TMEM54: variants seen among roughly 807,000 people sequenced by gnomAD.
The protein encoded by TMEM54 is transmembrane protein 54, also known as beta-casein-like protein.
A neutral mutation model predicts 21.3 loss-of-function variants in TMEM54; 21 were observed. That is an observed-to-expected ratio of 0.99 (90% CI 0.70 to 1.42). The LOEUF (loss-of-function observed/expected upper bound fraction) is 1.42. TMEM54 is among the 40% of genes most tolerant of loss of function. TMEM54 has a pLI of 0.00. For missense variants in TMEM54, 246 were observed against 294.0 expected, an observed-to-expected ratio of 0.84 and a Z score of 1.19; for synonymous variants, 109 against 125.0, an observed-to-expected ratio of 0.87 and a Z score of 0.86.
chr1:32,898,128 C>T lies in TMEM54; in HGVS notation c.208G>A (p.Val70Met), dbSNP rs751814809. The T allele has an allele frequency of 1.1e-5, 18 of 1,591,254 alleles. No homozygotes were observed. The Admixed American group carries it at 1.7e-4, about 15-fold the overall frequency. The change falls in exon 2 of 6, where the codon GTG becomes ATG. Residue 70 changes from valine (V) to methionine (M), a missense_variant and splice_region_variant. Transcript: ENST00000373463. ...CCACCCTCCCAGCCTGGCCATACCACGATGGCGGAAGTGACAGAGAGGATG... is the reference window on the plus strand; with the variant it reads ...CCACCCTCCCAGCCTGGCCATACCATGATGGCGGAAGTGACAGAGAGGATG... ...VNILSVTSAIVVITSGIAAIV... is the reference protein window; with the variant it reads ...VNILSVTSAIMVITSGIAAIV...
At chr1:32,898,347 T>C in intron 1 of TMEM54, 28 bp from the exon 2 acceptor site, 5 of 1,575,874 alleles carry the variant, frequency 3.2e-6, no homozygotes, top group Non-Finnish European at 4.3e-6. Flanking sequence ...GTCAGGGCTG[T>C]GCGTGGGGCT....
chr1:32,899,328 C>T (rs1380269395), intron 1 of TMEM54, among the ~76,000 whole-genome samples: 5 of 151,584 alleles, frequency 3.3e-5, no homozygotes, highest in African/African-American at 9.7e-5. Flanking sequence ...CTTCCTAGAC[C>T]TCCCTCTCCT....
At position 32,895,719 on chromosome 1, in the gene TMEM54, C is replaced by A; in HGVS notation, c.295G>T (p.Val99Leu). 1 of 1,558,270 alleles carries A rather than the reference C, an allele frequency of 6.4e-7. No individual in the cohort carries two copies. The highest frequency in any genetic ancestry group is 8.7e-7 in the Non-Finnish European group (1 of 1,151,018). ...PLRWTVFSSSVACALLSLTCA... is the reference protein window; with the variant it reads ...PLRWTVFSSSLACALLSLTCA... ...GTCAGAGAAAGGAGAGCACAGGCCA[C>A]GCTCGAGCTAAACACTGTCCAGCGC... Residue 99 changes from valine to leucine, a missense_variant, in exon 4 of 6, where the codon GTG becomes TTG. By Grantham distance (32) the Val-to-Leu change is conservative. Transcript: ENST00000373463. This position sits in a 1 kb window ranked among gnomAD's most constrained non-coding sequence, Gnocchi z 5.8.
Position 32,895,696 on chromosome 1 carries a change from C to G in TMEM54, c.318G>C (p.Leu106=), listed in dbSNP as rs961781106. Residue 106 remains leucine (L), a synonymous_variant, in exon 4 of 6, where the codon CTG becomes CTC. Transcript: ENST00000373463. The surrounding 1 kb of genome is among the most constrained non-coding windows in gnomAD (Gnocchi z 5.8). Reference sequence around the variant, plus strand: ...AGGCCAAGAGGCCGAGGGCACAGGTCAGAGAAAGGAGAGCACAGGCCACGC... The same window carrying G: ...AGGCCAAGAGGCCGAGGGCACAGGTGAGAGAAAGGAGAGCACAGGCCACGC... ...SSSVACALLS[L]TCALGLLASI... 2 of 1,560,526 alleles carry G rather than the reference C, an allele frequency of 1.3e-6. No homozygotes were observed. Among genetic ancestry groups the G allele is most frequent in the Admixed American group, 1.9e-5 (1 of 51,714 alleles).
Position 32,901,013 on chromosome 1 carries a change from G to A in TMEM54, c.16+210C>T, listed in dbSNP as rs1020199587. On this transcript the variant is annotated intron_variant, in intron 1 of 5. Coordinates refer to ENST00000373463, the MANE Select transcript of TMEM54 (RefSeq NM_033504.4). This position sits in a 1 kb window ranked among gnomAD's most constrained non-coding sequence, Gnocchi z 4.2. ...GGGTAAGAGACGCTACAGCCACATC[G>A]AGAAGACACCCGCAGCGCTCCTCCC... Among the ~76,000 whole-genome samples, 4 of 152,200 alleles carry A rather than the reference G, an allele frequency of 2.6e-5. No homozygotes were observed. Among genetic ancestry groups the A allele is most frequent in the African/African-American group, 9.6e-5 (4 of 41,462 alleles).
chr1:32,894,696 A>C lies in TMEM54; in HGVS notation c.*109T>G. 6.7e-7 allele frequency: 1 copy of C among 1,484,464 alleles called. No homozygotes were observed. The highest frequency in any genetic ancestry group is 1.3e-5 in the South Asian group (1 of 77,558). 92.0% of individuals were successfully genotyped at this position (1,484,464 alleles called of 1,614,324 possible). On this transcript the variant is annotated 3_prime_UTR_variant, in exon 6 of 6. Transcript: ENST00000373463. ...GTTGAAAGCCCCACTTGGGTCCCCG[A>C]GGGTCCATTGAGCCCTCTCAGGCCA...
rs372718654 is a variant in TMEM54 at position 32,895,506 on chromosome 1, C to G, written c.459+49G>C. On this transcript the variant is annotated intron_variant, in intron 4 of 5. Coordinates refer to ENST00000373463, the MANE Select transcript of TMEM54 (RefSeq NM_033504.4). The surrounding 1 kb of genome is among the most constrained non-coding windows in gnomAD (Gnocchi z 5.8). ...TGGAGGGTGGATTCCAAGAGCCCTTCCCACCCGTGCGAGGGCCTGGTGCCC... is the reference window on the plus strand; with the variant it reads ...TGGAGGGTGGATTCCAAGAGCCCTTGCCACCCGTGCGAGGGCCTGGTGCCC... 6.3e-7 allele frequency: 1 copy of G among 1,590,882 alleles called. No homozygotes were observed. Among genetic ancestry groups the G allele is most frequent in the South Asian group, 1.1e-5 (1 of 88,522 alleles).
rs1641634773 is a variant in TMEM54 at position 32,897,857 on chromosome 1, A to G, written c.210+269T>C. The G allele has an allele frequency of 5.2e-6, 2 of 384,300 alleles. No homozygotes were observed. Among genetic ancestry groups the G allele is most frequent in the Admixed American group, 3.9e-5 (1 of 25,964 alleles). 23.8% of individuals were successfully genotyped at this position (384,300 alleles called of 1,614,324 possible). A position where few individuals can be genotyped will look rare whatever the true frequency, so the allele number is the denominator to read the frequency against. ...ATCCTAGCTCACAGTAGTGGGTGCTAACAACATGCCATGCCAGACACTCTG... is the reference window on the plus strand; with the variant it reads ...ATCCTAGCTCACAGTAGTGGGTGCTGACAACATGCCATGCCAGACACTCTG... On this transcript the variant is annotated intron_variant, in intron 2 of 5. Coordinates refer to ENST00000373463, the MANE Select transcript of TMEM54 (RefSeq NM_033504.4). The surrounding 1 kb of genome is among the most constrained non-coding windows in gnomAD (Gnocchi z 4.9).
chr1:32,896,181 C>G lies in TMEM54; in HGVS notation c.211-212G>C. The G allele has an allele frequency of 1.9e-6, 1 of 531,484 alleles. No individual in the cohort carries two copies. Among genetic ancestry groups the G allele is most frequent in the Non-Finnish European group, 3.3e-6 (1 of 302,284 alleles). The allele number at this position is 531,484 out of a possible 1,614,324, so 32.9% of individuals were successfully genotyped here. On this transcript the variant is annotated intron_variant, in intron 2 of 5. Coordinates refer to ENST00000373463, the MANE Select transcript of TMEM54 (RefSeq NM_033504.4). This position sits in a 1 kb window ranked among gnomAD's most constrained non-coding sequence, Gnocchi z 4.1. ...GATGTTTCTAAAACAGTCACTCCCTCTCTACAACCTTCCATGAGTCCCCAC... is the reference window on the plus strand; with the variant it reads ...GATGTTTCTAAAACAGTCACTCCCTGTCTACAACCTTCCATGAGTCCCCAC...
intron 1 of TMEM54, chr1:32,898,565 C>A: frequency 4.4e-6 from 2 of 455,496 alleles, no homozygotes; most frequent in East Asian, 6.3e-5. Flanking sequence ...AGCAGTAGCA[C>A]TTGTTAGTGT....
Position 32,895,399 on chromosome 1 carries a change from C to T in TMEM54, c.500G>A (p.Cys167Tyr), listed in dbSNP as rs372910271. 10 of 1,613,916 alleles carry T rather than the reference C, an allele frequency of 6.2e-6. No homozygotes were observed. The African/African-American group carries it at 1.2e-4, about 19-fold the overall frequency. ...TACAGCAAACACGTTCTCCGCCACG[C>T]AGAGCACTAGGGCGATGCCCCAGAG... Reference protein sequence around the residue: ...LCLWGIALVLCVAENVFAVRC... With the variant: ...LCLWGIALVLYVAENVFAVRC... The change falls in exon 5 of 6, where the codon TGC (cysteine) becomes TAC (tyrosine). Residue 167 changes from cysteine (C) to tyrosine (Y), a missense_variant. Coordinates refer to ENST00000373463, the MANE Select transcript of TMEM54 (RefSeq NM_033504.4). This position sits in a 1 kb window ranked among gnomAD's most constrained non-coding sequence, Gnocchi z 5.8.
chr1:32,896,498 C>T lies in TMEM54; in HGVS notation c.211-529G>A, dbSNP rs1641602765. Among the ~76,000 whole-genome samples the T allele has an allele frequency of 6.6e-6, 1 of 152,242 alleles. No individual in the cohort carries two copies. The highest frequency in any genetic ancestry group is 1.5e-5 in the Non-Finnish European group (1 of 68,040). On this transcript the variant is annotated intron_variant, in intron 2 of 5. Transcript: ENST00000373463. The surrounding 1 kb of genome is among the most constrained non-coding windows in gnomAD (Gnocchi z 4.1). ...TGGGCTACCTTCCTCCCTCACTGCT[C>T]TGGATGTGGATGCCCATACACAGCC...
chr1:32,894,874 C>G lies in TMEM54; in HGVS notation c.600G>C (p.Arg200=), dbSNP rs567930124. ...WWGKSSHHMM[R]ENPELVEGRD... ...GGCCCTCCACCAGCTCTGGGTTCTC[C>G]CGCATCTGCAGAGACACAGGAGGCT... The change falls in exon 6 of 6, where the codon CGG becomes CGC. Residue 200 remains arginine, a synonymous_variant. Transcript: ENST00000373463. 1 of 1,610,370 alleles carries G rather than the reference C, an allele frequency of 6.2e-7. No individual in the cohort carries two copies. The highest frequency in any genetic ancestry group is 2.2e-5 in the East Asian group (1 of 44,722).
chr1:32,897,878 C>T lies in TMEM54; in HGVS notation c.210+248G>A, dbSNP rs1557546537. 4.7e-6 allele frequency: 2 copies of T among 424,810 alleles called. No individual in the cohort carries two copies. Among genetic ancestry groups the T allele is most frequent in the South Asian group, 1.2e-4 (2 of 16,438 alleles). 26.3% of individuals were successfully genotyped at this position (424,810 alleles called of 1,614,324 possible). On this transcript the variant is annotated intron_variant, in intron 2 of 5. Transcript: ENST00000373463. The surrounding 1 kb of genome is among the most constrained non-coding windows in gnomAD (Gnocchi z 4.9). ...TGCTAACAACATGCCATGCCAGACA[C>T]TCTGCTAAGCACTTTGTGTGGATGA...
Position 32,894,652 on chromosome 1 carries a change from C to T in TMEM54, c.*153G>A. On this transcript the variant is annotated 3_prime_UTR_variant, in exon 6 of 6. Coordinates refer to ENST00000373463, the MANE Select transcript of TMEM54 (RefSeq NM_033504.4). ...TAAAGTCTCATTTCAGTGCAGTGGG[C>T]TGGGTGGTGGGGGAGAGGGTTGAAA... 1 of 911,242 alleles carries T rather than the reference C, an allele frequency of 1.1e-6. No homozygotes were observed. Among genetic ancestry groups the T allele is most frequent in the Non-Finnish European group, 1.7e-6 (1 of 603,652 alleles). The allele number at this position is 911,242 out of a possible 1,614,324, so 56.4% of individuals were successfully genotyped here.
rs1286710734 is a variant in TMEM54 at position 32,895,566 on chromosome 1, TG to T, written c.447del (p.Thr150HisfsTer15). On this transcript the variant is annotated frameshift_variant, in exon 4 of 6. Coordinates refer to ENST00000373463, the MANE Select transcript of TMEM54 (RefSeq NM_033504.4). LOFTEE classifies it high-confidence loss of function. This position sits in a 1 kb window ranked among gnomAD's most constrained non-coding sequence, Gnocchi z 5.8. ...LALAPDCPFDPTRIYSSSLCL... is the reference protein window; with the variant it reads ...LALAPDCPFDXTRIYSSSLCL... Reference sequence around the variant, plus strand: ...GCCTAGGTACTCACATAAATGCGTGTGGGGTCGAAGGGACAGTCAGGTGCGA... The same window carrying T: ...GCCTAGGTACTCACATAAATGCGTGTGGGTCGAAGGGACAGTCAGGTGCGA... 1.3e-6 allele frequency: 2 copies of T among 1,592,658 alleles called. No individual in the cohort carries two copies. Among genetic ancestry groups the T allele is most frequent in the Admixed American group, 3.6e-5 (2 of 55,596 alleles).
chr1:32,898,193 G>T lies in TMEM54; in HGVS notation c.143C>A (p.Thr48Asn), dbSNP rs1641643537. ...FHGTVLRYVG[T>N]PQDAVALQYC... ...CTGCAGAGCCACCGCATCTTGAGGG[G>T]TGCCCACGTAGCGCAGCACTGTGCC... Residue 48 changes from threonine to asparagine, a missense_variant, in exon 2 of 6, where the codon ACC becomes AAC. By Grantham distance (65) the Thr-to-Asn change is moderately conservative (BLOSUM62 0). Transcript: ENST00000373463. 2 of 1,612,958 alleles carry T rather than the reference G, an allele frequency of 1.2e-6. No homozygotes were observed. The highest frequency in any genetic ancestry group is 1.7e-5 in the Admixed American group (1 of 59,988).
At chr1:32,898,697 T>C (rs1285831344) in intron 1 of TMEM54, among the ~76,000 whole-genome samples, 1 of 152,168 alleles carries the variant, frequency 6.6e-6, no homozygotes, top group African/African-American at 2.4e-5. Context: ...GTGTCTGCTC[T>C]GTGCCAGGCC....
chr1:32,896,022 A>AGG lies in TMEM54; in HGVS notation c.211-55_211-54dup. 1 of 1,577,958 alleles carries AGG rather than the reference A, an allele frequency of 6.3e-7. No homozygotes were observed. The highest frequency in any genetic ancestry group is 8.6e-7 in the Non-Finnish European group (1 of 1,158,822). ...ACTCCTTGGCTGGAGGAACAGGGGC[A>AGG]GGGGGATCAGGGCCACTCTGGGATA... On this transcript the variant is annotated intron_variant, in intron 2 of 5. Transcript: ENST00000373463. This position sits in a 1 kb window ranked among gnomAD's most constrained non-coding sequence, Gnocchi z 4.1.
Sources: allele counts gnomAD v4.1 joint callset (sites outside exome capture counted in the v4.1 genomes callset), GRCh38; gene constraint gnomAD v4.1.1; non-coding constraint Gnocchi (gnomAD v3.1); transcripts MANE v1.5; gene names NCBI Gene and HGNC (gene_info 2026-07-23, HGNC 2026-07-21).